The following GALNT18 variants were observed in gnomAD, a reference collection of about 807,000 sequenced individuals.
GALNT18 encodes the protein GalNAc-transferase 18.
GALNT18 carries 44 observed loss-of-function variants against 69.5 expected under a neutral mutation model. The observed-to-expected ratio is 0.63, with a 90% CI of 0.50 to 0.81. GALNT18 has a LOEUF of 0.81. Among genes scored for constraint, GALNT18 ranks in the 40% least tolerant of loss-of-function variants. GALNT18 has a pLI of 0.00. For missense variants in GALNT18, 715 were observed against 810.0 expected (o/e 0.88, Z 1.42); for synonymous variants, 364 against 318.2 (o/e 1.14, Z -1.53).
At chr11:11,527,998 T>A (rs1857558593) in intron 1 of GALNT18, among the ~76,000 whole-genome samples, 1 of 152,230 alleles carries the variant, frequency 6.6e-6, no homozygotes, top group South Asian at 2.1e-4. Flanking sequence ...ATGGGTTATC[T>A]TATTTAATAC....
Position 11,575,950 on chromosome 11 carries a change from C to A in GALNT18, c.235+45409G>T, listed in dbSNP as rs1858915073. Among the ~76,000 whole-genome samples, 3 of 152,196 alleles carry A rather than the reference C, an allele frequency of 2.0e-5. No individual in the cohort carries two copies. The South Asian group carries it at 6.2e-4, about 32-fold the overall frequency. ...ATGGAAGACTTACAATAGTCACAAT[C>A]TCACTGCTGGGGAGGGGAGGTGACC... On this transcript the variant is annotated intron_variant, in intron 1 of 10. Transcript: ENST00000227756.
rs1858563095 is a variant in GALNT18, at chr11:11,563,359, CA to C, written c.235+57999del. Among the ~76,000 whole-genome samples the C allele has an allele frequency of 6.6e-6, 1 of 152,214 alleles. No homozygotes were observed. The highest frequency in any genetic ancestry group is 2.4e-5 in the African/African-American group (1 of 41,456). ...TAAGTAAGGCTTGTTGGTAGAGGAA[CA>C]GCCGAGATCTGGACAGACAGGGTCT... On this transcript the variant is annotated intron_variant, in intron 1 of 10. Transcript: ENST00000227756. This position sits in a 1 kb window ranked among gnomAD's most constrained non-coding sequence, Gnocchi z 4.6.
Position 11,421,677 on chromosome 11 carries a change from C to T in GALNT18, c.595+10944G>A, listed in dbSNP as rs1336642164. 6.6e-6 allele frequency among the ~76,000 whole-genome samples: 1 copy of T among 152,116 alleles called. No individual in the cohort carries two copies. The highest frequency in any genetic ancestry group is 1.5e-5 in the Non-Finnish European group (1 of 68,010). On this transcript the variant is annotated intron_variant, in intron 3 of 10. Coordinates refer to ENST00000227756, the MANE Select transcript of GALNT18 (RefSeq NM_198516.3). The surrounding 1 kb of genome is among the most constrained non-coding windows in gnomAD (Gnocchi z 5.6). ...GCCAGCAGGTACAGGGAAGTCATCC[C>T]AGGCTGCTGCACTGCTGTTAAGTCA...
intron 9 of GALNT18, 83 bp downstream of exon 9, chr11:11,327,003 C>G: frequency 1.9e-6 from 2 of 1,027,706 alleles, no homozygotes; most frequent in Non-Finnish European, 3.0e-6. Context: ...GCTCTCCTTC[C>G]CCATGACAGA....
At position 11,382,844 on chromosome 11, in the gene GALNT18, A is replaced by G. The variant is rs567601154; in HGVS notation, c.596-3580T>C. 6.6e-6 allele frequency among the ~76,000 whole-genome samples: 1 copy of G among 152,162 alleles called. No homozygotes were observed. The highest frequency in any genetic ancestry group is 2.4e-5 in the African/African-American group (1 of 41,450). The stretch of plus-strand genomic sequence containing the variant: ...ACAGTAGTATAATTGTGGAAGGAAA[A>G]GGGAAGGTATATTTTGTGCTTGTTT... On this transcript the variant is annotated intron_variant, in intron 3 of 10. Coordinates refer to ENST00000227756, the MANE Select transcript of GALNT18 (RefSeq NM_198516.3). The surrounding 1 kb of genome is among the most constrained non-coding windows in gnomAD (Gnocchi z 4.3).
At chr11:11,527,488 G>A (rs1355530390) in intron 1 of GALNT18, among the ~76,000 whole-genome samples, 3 of 150,046 alleles carry the variant, frequency 2.0e-5, no homozygotes, top group Admixed American at 6.6e-5. Context: ...ATGTCCACAT[G>A]AGCTTTATTC....
chr11:11,518,158 G>C (rs1857321972), intron 1 of GALNT18, among the ~76,000 whole-genome samples: 1 of 152,174 alleles, frequency 6.6e-6, no homozygotes, highest in South Asian at 2.1e-4. Context: ...CTTTGGGCTT[G>C]GCTGCACAAG....
At position 11,505,081 on chromosome 11, in the gene GALNT18, C is replaced by A. The variant is rs140033259; in HGVS notation, c.236-56145G>T. The stretch of plus-strand genomic sequence containing the variant: ...TGCCATGGGAACATAGGAAAAGGAG[C>A]AAAGTTTAAAGAAAATGCCACCTTG... On this transcript the variant is annotated intron_variant, in intron 1 of 10. Transcript: ENST00000227756. The surrounding 1 kb of genome is among the most constrained non-coding windows in gnomAD (Gnocchi z 4.6). Among the ~76,000 whole-genome samples the A allele has an allele frequency of 3.1e-3, 477 of 152,184 alleles. 2 individuals carry two copies. The highest frequency in any genetic ancestry group is 0.014 in the Middle Eastern group (4 of 294).
At position 11,617,573 on chromosome 11, in the gene GALNT18, A is replaced by G. The variant is rs1860087311; in HGVS notation, c.235+3786T>C. ...CACCTTCATTTTGAAATATGGAGGC[A>G]AATGAACAAATCCAGAAGGAAATGC... On this transcript the variant is annotated intron_variant, in intron 1 of 10. Transcript: ENST00000227756. The surrounding 1 kb of genome is among the most constrained non-coding windows in gnomAD (Gnocchi z 4.7). 6.6e-6 allele frequency among the ~76,000 whole-genome samples: 1 copy of G among 152,250 alleles called. No individual in the cohort carries two copies. The highest frequency in any genetic ancestry group is 2.1e-4 in the South Asian group (1 of 4,830).
At chr11:11,502,157 C>T (rs1009497333) in intron 1 of GALNT18, among the ~76,000 whole-genome samples, 18 of 152,168 alleles carry the variant, frequency 1.2e-4, no homozygotes, top group African/African-American at 4.3e-4. Context: ...CTCAGCACCT[C>T]ATAAAGCGAG....
chr11:11,554,556 G>A (rs937353901), intron 1 of GALNT18, among the ~76,000 whole-genome samples: 1 of 152,078 alleles, frequency 6.6e-6, no homozygotes, highest in Non-Finnish European at 1.5e-5. Context: ...AGTTAACCAG[G>A]CTTTCTTACT....
chr11:11,542,598 G>T lies in GALNT18; in HGVS notation c.235+78761C>A, dbSNP rs1028096339. 6.6e-6 allele frequency among the ~76,000 whole-genome samples: 1 copy of T among 152,228 alleles called. No individual in the cohort carries two copies. The highest frequency in any genetic ancestry group is 2.4e-5 in the African/African-American group (1 of 41,464). On this transcript the variant is annotated intron_variant, in intron 1 of 10. Coordinates refer to ENST00000227756, the MANE Select transcript of GALNT18 (RefSeq NM_198516.3). The surrounding 1 kb of genome is among the most constrained non-coding windows in gnomAD (Gnocchi z 4.3). The stretch of plus-strand genomic sequence containing the variant: ...AAGAAGGAACTAGGTGTCAAAAAGA[G>T]AATGTAGAGTAAAGAGGTCAAGAAC...
chr11:11,517,945 G>C (rs1189425726), intron 1 of GALNT18, among the ~76,000 whole-genome samples: 1 of 152,220 alleles, frequency 6.6e-6, no homozygotes, highest in Non-Finnish European at 1.5e-5. Flanking sequence ...CCATAATGGT[G>C]CATTGTAAGT....
intron 10 of GALNT18, among the ~76,000 whole-genome samples, chr11:11,282,413 C>CA (rs1849099574): frequency 1.3e-5 from 2 of 152,224 alleles, no homozygotes; most frequent in African/African-American, 4.8e-5. Flanking sequence ...GTCTTCCTGA[C>CA]AAAAGCCCTG....
rs1319060531 is a variant in GALNT18, at chr11:11,616,030, C to CTCA, written c.235+5326_235+5328dup. ...TTTTTTTCTTTGTAGAGATGGGGGT[C>CTCA]TCACCATGTTGTCCAGGTTGGTCTT... On this transcript the variant is annotated intron_variant, in intron 1 of 10. Coordinates refer to ENST00000227756, the MANE Select transcript of GALNT18 (RefSeq NM_198516.3). The surrounding 1 kb of genome is among the most constrained non-coding windows in gnomAD (Gnocchi z 4.4). Among the ~76,000 whole-genome samples, 1 of 151,660 alleles carries CTCA rather than the reference C, an allele frequency of 6.6e-6. No homozygotes were observed. Among genetic ancestry groups the CTCA allele is most frequent in the Non-Finnish European group, 1.5e-5 (1 of 67,972 alleles).
At chr11:11,274,847 G>A (rs1020735928) in intron 10 of GALNT18, among the ~76,000 whole-genome samples, 1 of 152,224 alleles carries the variant, frequency 6.6e-6, no homozygotes, top group Non-Finnish European at 1.5e-5. Flanking sequence ...TGCTGAGGAT[G>A]ATGGTTTCCA....
intron 9 of GALNT18, among the ~76,000 whole-genome samples, chr11:11,313,475 A>G (rs1849702327): frequency 6.6e-6 from 1 of 152,192 alleles, no homozygotes; most frequent in African/African-American, 2.4e-5. Flanking sequence ...ACTAATCAGG[A>G]AGTCCATCCC....
rs959839397 is a variant in GALNT18 at position 11,500,228 on chromosome 11, T to C, written c.236-51292A>G. ...CACAGCACAGGGTTCTAGAAAAGTA[T>C]AGATCCAGACAGGTAGCGTTCACTG... On this transcript the variant is annotated intron_variant, in intron 1 of 10. Coordinates refer to ENST00000227756, the MANE Select transcript of GALNT18 (RefSeq NM_198516.3). This position sits in a 1 kb window ranked among gnomAD's most constrained non-coding sequence, Gnocchi z 5.0. 2.6e-5 allele frequency among the ~76,000 whole-genome samples: 4 copies of C among 152,318 alleles called. No homozygotes were observed. The highest frequency in any genetic ancestry group is 1.3e-4 in the Admixed American group (2 of 15,300).
chr11:11,374,665 G>T (rs151146306), intron 5 of GALNT18, among the ~76,000 whole-genome samples: 2,193 of 152,354 alleles, frequency 0.014, 20 homozygotes, highest in Middle Eastern at 0.044. Context: ...ACCGGCTAGG[G>T]TATTAAGTGG....
Sources: allele counts gnomAD v4.1 joint callset (sites outside exome capture counted in the v4.1 genomes callset), GRCh38; gene constraint gnomAD v4.1.1; non-coding constraint Gnocchi (gnomAD v3.1); transcripts MANE v1.5; gene names NCBI Gene and HGNC (gene_info 2026-07-23, HGNC 2026-07-21).